HMGA2: variants seen among roughly 807,000 people sequenced by gnomAD.
HMGA2 encodes the protein high mobility group AT-hook 2, also known as high mobility group protein HMGI-C.
HMGA2 carries 8 observed loss-of-function variants against 19.1 expected under a neutral mutation model. The observed-to-expected ratio is 0.42, with a 90% CI of 0.25 to 0.76. HMGA2 has a LOEUF of 0.76. Ranked by LOEUF, HMGA2 falls within the 30% of genes least tolerant of loss-of-function variation. The pLI, the probability that HMGA2 is intolerant of heterozygous loss-of-function variation, is 0.28. For synonymous variants in HMGA2, 60 were observed against 48.8 expected, an observed-to-expected ratio of 1.23 and a Z score of -0.96; for missense variants, 109 against 136.3, an observed-to-expected ratio of 0.80 and a Z score of 1.00.
At chr12:65,855,674 G>C (rs2120945959) in intron 3 of HMGA2, among the ~76,000 whole-genome samples, 1 of 151,630 alleles carries the variant, frequency 6.6e-6, no homozygotes, top group South Asian at 2.1e-4. Context: ...TAGAATCTGA[G>C]TGTTTGTTTA....
At chr12:65,853,948 G>A (rs1350430054) in intron 3 of HMGA2, among the ~76,000 whole-genome samples, 3 of 152,178 alleles carry the variant, frequency 2.0e-5, no homozygotes, top group Non-Finnish European at 4.4e-5. Context: ...AGAGATGATC[G>A]CACTGTATTT....
At chr12:65,845,807 TG>T (rs1224181204) in intron 3 of HMGA2, among the ~76,000 whole-genome samples, 4 of 152,216 alleles carry the variant, frequency 2.6e-5, no homozygotes, top group Non-Finnish European at 4.4e-5. Flanking sequence ...CCATAACTAA[TG>T]GCTGTCAAGC....
chr12:65,860,106 G>C, intron 3 of HMGA2: 1 of 423,572 alleles, frequency 2.4e-6, no homozygotes, highest in South Asian at 1.7e-5. Context: ...GAAAAGAAAA[G>C]AAAAGAGAAA....
In HMGA2 at chr12:65,825,527, A is replaced by G. The variant is rs1291595558; in HGVS notation, c.111+146A>G. 3.3e-6 allele frequency: 1 copy of G among 300,132 alleles called. No individual in the cohort carries two copies. Among genetic ancestry groups the G allele is most frequent in the African/African-American group, 2.3e-5 (1 of 43,928 alleles). 18.6% of individuals were successfully genotyped at this position (300,132 alleles called of 1,614,324 possible). Reference sequence around the variant, plus strand: ...CGGCCGGCCGGGGGGAGCGGCGCAGACCCCACGAGTGCGCCGCGCGGCCCC... The same window carrying G: ...CGGCCGGCCGGGGGGAGCGGCGCAGGCCCCACGAGTGCGCCGCGCGGCCCC... On this transcript the variant is annotated intron_variant, in intron 1 of 4. Transcript: ENST00000403681. The surrounding 1 kb of genome is among the most constrained non-coding windows in gnomAD (Gnocchi z 4.4).
At chr12:65,936,570 C>G (rs1473786976) in intron 3 of HMGA2, among the ~76,000 whole-genome samples, 1 of 152,164 alleles carries the variant, frequency 6.6e-6, no homozygotes, top group East Asian at 1.9e-4. Flanking sequence ...TCATTCATCA[C>G]AGTGGTACTA....
chr12:65,929,962 C>T (rs1380538460), intron 3 of HMGA2, among the ~76,000 whole-genome samples: 1 of 151,694 alleles, frequency 6.6e-6, no homozygotes, highest in Non-Finnish European at 1.5e-5. Flanking sequence ...TTTTTATATA[C>T]AGAAGTAAGA....
chr12:65,891,491 G>A (rs562458559), intron 3 of HMGA2, among the ~76,000 whole-genome samples: 56 of 152,338 alleles, frequency 3.7e-4, no homozygotes, highest in African/African-American at 1.2e-3. Context: ...TTGGGGGTGC[G>A]TTCTGTGGTC....
intron 3 of HMGA2, chr12:65,842,653 G>A (rs1313531913): frequency 8.5e-6 from 13 of 1,533,416 alleles, no homozygotes; most frequent in Non-Finnish European, 9.6e-6. Flanking sequence ...GTGTCATGTG[G>A]TGTTCATCAG....
chr12:65,884,754 A>T (rs1174739109), intron 3 of HMGA2, among the ~76,000 whole-genome samples: 1 of 152,226 alleles, frequency 6.6e-6, no homozygotes. Context: ...ATTAATATGT[A>T]CTAGAATCAT....
At chr12:65,939,607 T>C (rs1165507525) in intron 3 of HMGA2, among the ~76,000 whole-genome samples, 1 of 152,156 alleles carries the variant, frequency 6.6e-6, no homozygotes, top group East Asian at 1.9e-4. Context: ...CCCCCTGCCT[T>C]GGCCTCCCAA....
At chr12:65,953,926 C>T (rs1288380150) in intron 4 of HMGA2, 1 of 152,230 alleles carries the variant, frequency 6.6e-6, no homozygotes, top group Non-Finnish European at 1.5e-5. Flanking sequence ...TGGATTAACT[C>T]AGCCTCATAT....
intron 4 of HMGA2, among the ~76,000 whole-genome samples, chr12:65,962,219 T>C (rs536461103): frequency 6.6e-6 from 1 of 152,328 alleles, no homozygotes; most frequent in African/African-American, 2.4e-5. Context: ...ACGACGCTTT[T>C]ATCGGAAATG....
intron 3 of HMGA2, among the ~76,000 whole-genome samples, chr12:65,853,589 T>C (rs1247519957): frequency 2.0e-5 from 3 of 152,190 alleles, no homozygotes; most frequent in African/African-American, 7.2e-5. Context: ...CTTTTCTCTA[T>C]GGCTGTCTGT....
At chr12:65,853,380 T>C (rs1871573356) in intron 3 of HMGA2, among the ~76,000 whole-genome samples, 1 of 152,240 alleles carries the variant, frequency 6.6e-6, no homozygotes, top group African/African-American at 2.4e-5. Flanking sequence ...ATATTTGTAC[T>C]GTATTAATCT....
chr12:65,851,664 C>T (rs868542459), intron 3 of HMGA2: 1 of 422,908 alleles, frequency 2.4e-6, no homozygotes, highest in Middle Eastern at 3.4e-4. Flanking sequence ...TGTCTCAAAA[C>T]AACAACAACA....
intron 2 of HMGA2, among the ~76,000 whole-genome samples, chr12:65,837,858 C>T (rs947380975): frequency 6.6e-6 from 1 of 152,074 alleles, no homozygotes; most frequent in Non-Finnish European, 1.5e-5. Context: ...TAGTTTTAAT[C>T]ACTGGGACAA....
intron 3 of HMGA2, among the ~76,000 whole-genome samples, chr12:65,922,466 T>A (rs1875350897): frequency 6.6e-6 from 1 of 151,964 alleles, no homozygotes; most frequent in Non-Finnish European, 1.5e-5. Context: ...TTTTGGCCAA[T>A]TTCTCCCATT....
chr12:65,876,369 G>T (rs1270574442), intron 3 of HMGA2, among the ~76,000 whole-genome samples: 1 of 152,128 alleles, frequency 6.6e-6, no homozygotes, highest in Non-Finnish European at 1.5e-5. Flanking sequence ...TGAAACCATG[G>T]CATAAAAAGT....
chr12:65,893,539 A>G (rs1050604236), intron 3 of HMGA2, among the ~76,000 whole-genome samples: 2 of 152,234 alleles, frequency 1.3e-5, no homozygotes, highest in Admixed American at 6.5e-5. Flanking sequence ...TTTTGAAACC[A>G]CCTCCTTGTT....
Sources: allele counts gnomAD v4.1 joint callset (sites outside exome capture counted in the v4.1 genomes callset), GRCh38; gene constraint gnomAD v4.1.1; non-coding constraint Gnocchi (gnomAD v3.1); transcripts MANE v1.5; gene names NCBI Gene and HGNC (gene_info 2026-07-23, HGNC 2026-07-21).